Variants in GABRB2 observed in about 807,000 individuals in gnomAD.
The protein encoded by GABRB2 is gamma-aminobutyric acid receptor subunit beta-2.
GABRB2 carries 16 observed loss-of-function variants against 54.7 expected under a neutral mutation model. The ratio of observed to expected loss-of-function variants is 0.29; its 90% CI spans 0.20 to 0.44. The LOEUF is 0.44. Among genes scored for constraint, GABRB2 ranks in the 20% least tolerant of loss-of-function variants. GABRB2 has a pLI of 1.00. For missense variants in GABRB2, 355 were observed against 644.0 expected, an observed-to-expected ratio of 0.55 and a Z score of 4.86; for synonymous variants, 244 against 233.8, an observed-to-expected ratio of 1.04 and a Z score of -0.40.
intron 4 of GABRB2, among the ~76,000 whole-genome samples, chr5:161,417,542 T>C (rs1375339613): frequency 6.6e-6 from 1 of 152,234 alleles, no homozygotes; most frequent in Non-Finnish European, 1.5e-5. Context: ...TTAGCTTCTC[T>C]GGAGGATTGA....
At chr5:161,473,560 A>T (rs754196800) in intron 3 of GABRB2, among the ~76,000 whole-genome samples, 8 of 152,032 alleles carry the variant, frequency 5.3e-5, no homozygotes, top group Non-Finnish European at 1.2e-4. Flanking sequence ...AAGGAAAAAG[A>T]ACATTAGAAT....
At chr5:161,345,331 C>T (rs903481938) in intron 5 of GABRB2, among the ~76,000 whole-genome samples, 6 of 151,838 alleles carry the variant, frequency 4.0e-5, no homozygotes, top group African/African-American at 1.2e-4. Context: ...AATAAAAAAA[C>T]AAAAACATAG....
intron 9 of GABRB2, among the ~76,000 whole-genome samples, chr5:161,325,548 A>G (rs1197762837): frequency 6.6e-6 from 1 of 152,138 alleles, no homozygotes; most frequent in East Asian, 1.9e-4. Flanking sequence ...CTTAGAAGAT[A>G]TAATAATGGA....
At chr5:161,456,991 T>C (rs1158380056) in intron 4 of GABRB2, among the ~76,000 whole-genome samples, 1 of 152,196 alleles carries the variant, frequency 6.6e-6, no homozygotes, top group Non-Finnish European at 1.5e-5. Context: ...CTGAATTCCT[T>C]TTACCTATCT....
intron 6 of GABRB2, 55 bp from the exon 7 acceptor site, chr5:161,334,959 T>A (rs1383869058): frequency 6.4e-7 from 1 of 1,563,182 alleles, no homozygotes; most frequent in East Asian, 2.2e-5. Flanking sequence ...ATAGGATACT[T>A]TTCTTTAAAG....
intron 5 of GABRB2, among the ~76,000 whole-genome samples, chr5:161,387,923 T>A (rs555123841): frequency 1.3e-5 from 2 of 152,262 alleles, no homozygotes; most frequent in African/African-American, 4.8e-5. Flanking sequence ...AGGATTTAAT[T>A]TCAAAACTAA....
rs140489303 is a variant in GABRB2, at chr5:161,318,922, C to T, written c.1191+7446G>A. Among the ~76,000 whole-genome samples the T allele has an allele frequency of 3.9e-3, 594 of 151,876 alleles. 5 individuals carry two copies. Among genetic ancestry groups the T allele is most frequent in the African/African-American group, 0.013 (555 of 41,488 alleles). Reference sequence around the variant, plus strand: ...AGGGCTCTTTTCTTCCCTTCCATTACATTTTTGTTATTGTTTATATATTTT... The same window carrying T: ...AGGGCTCTTTTCTTCCCTTCCATTATATTTTTGTTATTGTTTATATATTTT... On this transcript the variant is annotated intron_variant, in intron 9 of 9. Coordinates refer to ENST00000393959, the MANE Select transcript of GABRB2 (RefSeq NM_001371727.1).
intron 9 of GABRB2, among the ~76,000 whole-genome samples, chr5:161,297,191 G>A (rs963482481): frequency 5.3e-5 from 8 of 152,082 alleles, no homozygotes; most frequent in Non-Finnish European, 1.2e-4. Flanking sequence ...AAGGTGAGGT[G>A]TATTGAACAC....
At chr5:161,478,952 T>C (rs1342621696) in intron 3 of GABRB2, among the ~76,000 whole-genome samples, 1 of 152,064 alleles carries the variant, frequency 6.6e-6, no homozygotes, top group East Asian at 1.9e-4. Flanking sequence ...TGAAGAGATC[T>C]GACAGTAGTA....
intron 9 of GABRB2, among the ~76,000 whole-genome samples, chr5:161,310,723 AAAT>A (rs1328844354): frequency 6.6e-6 from 1 of 152,210 alleles, no homozygotes; most frequent in African/African-American, 2.4e-5. Context: ...CTTTTTCAAA[AAAT>A]AAAAAACTTC....
At chr5:161,344,872 A>T (rs1754273928) in intron 5 of GABRB2, among the ~76,000 whole-genome samples, 1 of 152,126 alleles carries the variant, frequency 6.6e-6, no homozygotes, top group Non-Finnish European at 1.5e-5. Flanking sequence ...GCCATAAAAA[A>T]GATGAGTTCA....
intron 3 of GABRB2, among the ~76,000 whole-genome samples, chr5:161,483,206 G>A (rs2964773): frequency 0.78 from 118,296 of 151,812 alleles, 46,303 homozygotes; most frequent in East Asian, 0.9. Context: ...ATATTGCATC[G>A]AACACCATTC....
chr5:161,426,970 G>A (rs1165285692), intron 4 of GABRB2, among the ~76,000 whole-genome samples: 1 of 152,090 alleles, frequency 6.6e-6, no homozygotes, highest in Non-Finnish European at 1.5e-5. Context: ...AAGAATGAGA[G>A]AATGGTCAAC....
chr5:161,392,383 A>C (rs188611051), intron 5 of GABRB2, among the ~76,000 whole-genome samples: 1 of 152,334 alleles, frequency 6.6e-6, no homozygotes, highest in East Asian at 1.9e-4. Context: ...AAGAATACCT[A>C]GTAACTTTTT....
At chr5:161,433,243 C>T (rs1043091118) in intron 4 of GABRB2, among the ~76,000 whole-genome samples, 1 of 152,032 alleles carries the variant, frequency 6.6e-6, no homozygotes, top group African/African-American at 2.4e-5. Flanking sequence ...ATCACTTTTA[C>T]TAATTTATAC....
intron 3 of GABRB2, among the ~76,000 whole-genome samples, chr5:161,533,187 C>T (rs1760519549): frequency 6.6e-6 from 1 of 152,112 alleles, no homozygotes; most frequent in Non-Finnish European, 1.5e-5. Context: ...AAGAGAACAA[C>T]AGCAAGAGCC....
chr5:161,499,068 G>A (rs972324605), intron 3 of GABRB2, among the ~76,000 whole-genome samples: 3 of 151,916 alleles, frequency 2.0e-5, no homozygotes, highest in Non-Finnish European at 4.4e-5. Flanking sequence ...AATAGTGTGG[G>A]CTTCCAGAGC....
At chr5:161,370,757 C>T (rs1297723196) in intron 5 of GABRB2, among the ~76,000 whole-genome samples, 1 of 152,278 alleles carries the variant, frequency 6.6e-6, no homozygotes, top group South Asian at 2.1e-4. Flanking sequence ...CTGAAGTCAA[C>T]AGGCAGAGGC....
chr5:161,437,932 C>T (rs1757357467), intron 4 of GABRB2, among the ~76,000 whole-genome samples: 1 of 152,200 alleles, frequency 6.6e-6, no homozygotes, highest in Non-Finnish European at 1.5e-5. Context: ...TCCCTGAGTA[C>T]TGCAAGGCAC....
Sources: allele counts gnomAD v4.1 joint callset (sites outside exome capture counted in the v4.1 genomes callset), GRCh38; gene constraint gnomAD v4.1.1; transcripts MANE v1.5; gene names NCBI Gene and HGNC (gene_info 2026-07-23, HGNC 2026-07-21).